Variants in EP400 observed in about 807,000 individuals in gnomAD.
EP400 encodes the protein E1A binding protein p400, also known as E1A-binding protein p400.
EP400 carries 105 observed loss-of-function variants against 354.1 expected under a neutral mutation model. That is an observed-to-expected ratio of 0.30 (90% CI 0.25 to 0.35). EP400 has a LOEUF of 0.35. Ranked by LOEUF, EP400 falls within the 10% of genes least tolerant of loss-of-function variation. EP400 has a pLI of 1.00. For synonymous variants in EP400, 1,646 were observed against 1,716.9 expected, an observed-to-expected ratio of 0.96 and a Z score of 1.02; for missense variants, 3,280 against 4,121.0, an observed-to-expected ratio of 0.80 and a Z score of 5.59.
At chr12:132,046,907 G>A (rs190668458) in intron 39 of EP400, among the ~76,000 whole-genome samples, 3 of 152,322 alleles carry the variant, frequency 2.0e-5, no homozygotes, top group East Asian at 1.9e-4. Context: ...GGGGACCACC[G>A]CCTTTCAGTT....
intron 2 of EP400, among the ~76,000 whole-genome samples, chr12:131,976,051 T>A (rs1347168984): frequency 2.0e-5 from 3 of 152,158 alleles, no homozygotes; most frequent in African/African-American, 7.2e-5. Flanking sequence ...ATGAATTTTT[T>A]TTTATTTCGG....
chr12:132,036,001 AGG>A, intron 30 of EP400, among the ~76,000 whole-genome samples: 1 of 150,018 alleles, frequency 6.7e-6, no homozygotes, highest in East Asian at 2.0e-4. Flanking sequence ...ACGTCATGGA[AGG>A]GCACACCCAG....
At position 132,018,285 on chromosome 12, in the gene EP400, A is replaced by G. The variant is rs748494788; in HGVS notation, c.4186A>G (p.Lys1396Glu). 4 of 1,613,726 alleles carry G rather than the reference A, an allele frequency of 2.5e-6. No individual in the cohort carries two copies. In the African/African-American group the frequency reaches 5.3e-5, roughly 22 times the overall value. The part of the protein sequence containing the change: ...ITRHEAELLS[K>E]KKIPRKLMEE... ...TCGTCACGAGGCAGAGTTGCTGTCT[A>G]AGAAAAAGATACCGCGGAAACTCAT... is the stretch of plus-strand genomic sequence containing the variant. The change falls in exon 21 of 53, where the codon AAG becomes GAG. Residue 1396 changes from lysine (K) to glutamate (E), a missense_variant. Transcript: ENST00000389561. The surrounding 1 kb of genome is among the most constrained non-coding windows in gnomAD (Gnocchi z 4.0).
rs1412010246 is a variant in EP400, at chr12:132,079,172, T to G, written c.*1499T>G. The G allele has an allele frequency of 6.6e-6, 1 of 152,286 alleles. No homozygotes were observed. The highest frequency in any genetic ancestry group is 1.5e-5 in the Non-Finnish European group (1 of 68,054). The allele number at this position is 152,286 out of a possible 1,614,324, so 9.4% of individuals were successfully genotyped here. A position where few individuals can be genotyped will look rare whatever the true frequency, so the allele number is the denominator to read the frequency against. On this transcript the variant is annotated 3_prime_UTR_variant, in exon 53 of 53. Transcript: ENST00000389561. ...AGGAAGGTATTCTGTCCCACAGGTT[T>G]CTGTGGACAGCGATACAGCAGGAGT...
chr12:131,950,312 G>C (rs1676855362), intron 1 of EP400, among the ~76,000 whole-genome samples: 1 of 152,142 alleles, frequency 6.6e-6, no homozygotes, highest in South Asian at 2.1e-4. Context: ...CCGGGCTCCT[G>C]GGCTGGGGGC....
rs997898438 is a variant in EP400 at position 132,014,025 on chromosome 12, G to T, written c.3923+112G>T. On this transcript the variant is annotated intron_variant, in intron 19 of 52. Coordinates refer to ENST00000389561, the MANE Select transcript of EP400 (RefSeq NM_015409.5). ...CCTTTCCGCAAGGATTGGGTGTCTG[G>T]AGCTGGAGACCGAGGCACCCTCCTG... 5.5e-6 allele frequency: 8 copies of T among 1,465,828 alleles called. No homozygotes were observed. The African/African-American group carries it at 9.9e-5, about 18-fold the overall frequency. 90.8% of individuals were successfully genotyped at this position (1,465,828 alleles called of 1,614,324 possible). A position where few individuals can be genotyped will look rare whatever the true frequency, so the allele number is the denominator to read the frequency against.
chr12:132,011,418 C>A (rs759412379), intron 15 of EP400, 80 bp from the exon 16 acceptor site: 10 of 1,529,792 alleles, frequency 6.5e-6, no homozygotes, highest in African/African-American at 1.4e-5. Flanking sequence ...ACTGATGAAG[C>A]GTCTCTGGTC....
In EP400 at chr12:132,069,631, C is replaced by A; in HGVS notation, c.9011C>A (p.Thr3004Asn). The change falls in exon 51 of 53, where the codon ACC (threonine) becomes AAC (asparagine). Residue 3004 changes from threonine to asparagine, a missense_variant. Around this residue, in one of 20 missense-constraint regions of EP400, gnomAD observed 279 missense variants for 386.7 expected, o/e 0.72. Coordinates refer to ENST00000389561, the MANE Select transcript of EP400 (RefSeq NM_015409.5). Reference protein sequence around the residue: ...QKLAGAQQVQTQIQVAKLPQV... With the variant: ...QKLAGAQQVQNQIQVAKLPQV... Reference sequence around the variant, plus strand: ...CTGGCCGGGGCCCAGCAAGTGCAGACCCAGATCCAGGTGAGCGGGGAACAG... The same window carrying A: ...CTGGCCGGGGCCCAGCAAGTGCAGAACCAGATCCAGGTGAGCGGGGAACAG... The A allele has an allele frequency of 6.2e-7, 1 of 1,614,164 alleles. No homozygotes were observed. Among genetic ancestry groups the A allele is most frequent in the Admixed American group, 1.7e-5 (1 of 60,022 alleles).
chr12:131,977,588 G>A (rs1330878880), intron 2 of EP400, among the ~76,000 whole-genome samples: 1 of 151,646 alleles, frequency 6.6e-6, no homozygotes, highest in Non-Finnish European at 1.5e-5. Flanking sequence ...GGGAAATTTA[G>A]AAACGCACAC....
chr12:132,062,790 G>A, intron 47 of EP400, 89 bp downstream of exon 47: 1 of 1,519,560 alleles, frequency 6.6e-7, no homozygotes, highest in Non-Finnish European at 9.0e-7. Flanking sequence ...GCATGGTGCA[G>A]TCCAGAGTGT....
chr12:131,993,619 T>C (rs1233954309), intron 11 of EP400, among the ~76,000 whole-genome samples: 1 of 152,220 alleles, frequency 6.6e-6, no homozygotes, highest in Non-Finnish European at 1.5e-5. Flanking sequence ...GAGAGATGCG[T>C]TGCTGGACAA....
rs1384377938 is a variant in EP400 at position 131,994,087 on chromosome 12, G to A, written c.2738-780G>A. Among the ~76,000 whole-genome samples, 4 of 152,152 alleles carry A rather than the reference G, an allele frequency of 2.6e-5. No individual in the cohort carries two copies. The highest frequency in any genetic ancestry group is 5.9e-5 in the Non-Finnish European group (4 of 68,030). On this transcript the variant is annotated intron_variant, in intron 11 of 52. Coordinates refer to ENST00000389561, the MANE Select transcript of EP400 (RefSeq NM_015409.5). The surrounding 1 kb of genome is among the most constrained non-coding windows in gnomAD (Gnocchi z 4.6). ...GGCCAGGCCTGTCGTGAGCCACCAG[G>A]GTGTCGAGTACAGTCAGGAAAGGCA... is the stretch of plus-strand genomic sequence containing the variant.
intron 13 of EP400, 65 bp downstream of exon 13, chr12:132,005,249 T>C: frequency 8.5e-7 from 1 of 1,178,138 alleles, no homozygotes; most frequent in East Asian, 2.8e-5. Context: ...TACAAAGACT[T>C]AAAATAAGAT....
chr12:132,015,315 G>A (rs1398029647), intron 19 of EP400, among the ~76,000 whole-genome samples: 1 of 152,246 alleles, frequency 6.6e-6, no homozygotes, highest in African/African-American at 2.4e-5. Flanking sequence ...CTTTGTATGT[G>A]TGGACAGAAA....
chr12:132,019,320 G>A (rs1365887433), intron 21 of EP400, among the ~76,000 whole-genome samples: 2 of 152,204 alleles, frequency 1.3e-5, no homozygotes, highest in Non-Finnish European at 2.9e-5. Flanking sequence ...AGAATTACAG[G>A]TGTGAGACCA....
chr12:132,056,486 G>A (rs1248623317), intron 45 of EP400, among the ~76,000 whole-genome samples: 1 of 152,128 alleles, frequency 6.6e-6, no homozygotes, highest in Non-Finnish European at 1.5e-5. Context: ...AGGGAATTCA[G>A]TGGTGAACAG....
In EP400 at chr12:132,005,121, T is replaced by C; in HGVS notation, c.2872T>C (p.Phe958Leu). ...CCTGATGAAGCTGTACGAAGGCGCC[T>C]TCCTGCCGAGTTCTCAGTGGCCCCG... Reference protein sequence around the residue: ...LDLMKLYEGAFLPSSQWPRPK... With the variant: ...LDLMKLYEGALLPSSQWPRPK... The change falls in exon 13 of 53, where the codon TTC becomes CTC. Residue 958 changes from phenylalanine to leucine, a missense_variant. Physicochemically the swap from Phe to Leu is conservative, Grantham distance 22 (BLOSUM62 0). This residue lies in a region of EP400 where 800 missense variants were observed against 840.0 expected (regional missense o/e 0.95). Transcript: ENST00000389561. The C allele has an allele frequency of 1.3e-5, 20 of 1,590,706 alleles. No individual in the cohort carries two copies. The highest frequency in any genetic ancestry group is 1.7e-5 in the Non-Finnish European group (20 of 1,168,814).
At chr12:132,023,638 A>G (rs888818765) in intron 23 of EP400, 139 bp from the exon 24 acceptor site, 1 of 645,562 alleles carries the variant, frequency 1.5e-6, no homozygotes. Context: ...AGTGGTAGAA[A>G]ACACTACCTG....
At chr12:131,952,355 C>CCAG (rs1391527648) in intron 1 of EP400, among the ~76,000 whole-genome samples, 1 of 151,456 alleles carries the variant, frequency 6.6e-6, no homozygotes, top group Non-Finnish European at 1.5e-5. Context: ...ACCATGTTGG[C>CCAG]CAGGCTGGTC....
Sources: gnomAD v4.1 joint callset for allele counts (sites outside exome capture counted in the v4.1 genomes callset) on GRCh38, gnomAD v4.1.1 for gene constraint, gnomAD v4.1.1 regional missense constraint, Gnocchi (gnomAD v3.1) non-coding constraint, MANE v1.5 for transcripts, NCBI Gene and HGNC (gene_info 2026-07-23, HGNC 2026-07-21) for gene names.